CNTN4: variants seen among roughly 807,000 people sequenced by gnomAD.
The protein encoded by CNTN4 is contactin 4.
In CNTN4, 77 loss-of-function variants were observed where a neutral mutation model predicts 122.5. The observed-to-expected ratio is 0.63, with a 90% CI of 0.52 to 0.76. CNTN4 has a LOEUF of 0.76. Among genes scored for constraint, CNTN4 ranks in the 30% least tolerant of loss-of-function variants. The pLI is 0.00. For missense variants in CNTN4, 1,256 were observed against 1,259.1 expected, an observed-to-expected ratio of 1.00 and a Z score of 0.04; for synonymous variants, 512 against 447.0, an observed-to-expected ratio of 1.15 and a Z score of -1.83.
At chr3:2,464,761 G>A (rs2075438315) in intron 3 of CNTN4, among the ~76,000 whole-genome samples, 1 of 152,228 alleles carries the variant, frequency 6.6e-6, no homozygotes, top group Admixed American at 6.5e-5. Context: ...AGGAAAATGA[G>A]GTATCCTAAA....
chr3:2,951,541 TCTAGAC>T (rs2094745078), intron 13 of CNTN4, among the ~76,000 whole-genome samples: 1 of 152,192 alleles, frequency 6.6e-6, no homozygotes, highest in African/African-American at 2.4e-5. Flanking sequence ...GGACCCCTGT[TCTAGAC>T]TACTGTGTAA....
intron 3 of CNTN4, among the ~76,000 whole-genome samples, chr3:2,455,341 A>G (rs2048961110): frequency 6.6e-6 from 1 of 152,170 alleles, no homozygotes; most frequent in African/African-American, 2.4e-5. Flanking sequence ...AACTGTTACC[A>G]CCACTTTGGG....
At chr3:2,626,505 A>AC (rs2082195939) in intron 4 of CNTN4, among the ~76,000 whole-genome samples, 1 of 151,128 alleles carries the variant, frequency 6.6e-6, no homozygotes, top group Non-Finnish European at 1.5e-5. Context: ...TCAAAAAAAA[A>AC]ACAACAAAAA....
intron 11 of CNTN4, 48 bp from the exon 12 acceptor site, chr3:2,902,828 C>T: frequency 1.3e-6 from 2 of 1,592,218 alleles, no homozygotes; most frequent in Non-Finnish European, 1.7e-6. Context: ...GCCTTAAAGT[C>T]TCAGTTGTAG....
At chr3:2,772,850 T>G (rs944882997) in intron 6 of CNTN4, among the ~76,000 whole-genome samples, 1 of 152,006 alleles carries the variant, frequency 6.6e-6, no homozygotes, top group Non-Finnish European at 1.5e-5. Context: ...TGAAAACTAG[T>G]GTTTGAAGGG....
At chr3:2,716,135 C>A (rs954176648) in intron 4 of CNTN4, among the ~76,000 whole-genome samples, 3 of 151,950 alleles carry the variant, frequency 2.0e-5, no homozygotes, top group Non-Finnish European at 4.4e-5. Flanking sequence ...TGGCTACTTT[C>A]TTCACTTTTT....
At chr3:2,755,534 A>G (rs1349981208) in intron 6 of CNTN4, among the ~76,000 whole-genome samples, 1 of 152,220 alleles carries the variant, frequency 6.6e-6, no homozygotes, top group East Asian at 1.9e-4. Context: ...ATAGTACTAG[A>G]CAGAAAGACA....
At chr3:2,895,851 GGT>G (rs1559632597) in intron 10 of CNTN4, among the ~76,000 whole-genome samples, 4 of 152,102 alleles carry the variant, frequency 2.6e-5, no homozygotes, top group South Asian at 2.1e-4. Context: ...TGGCTAACAG[GGT>G]GAAACCCCGT....
intron 4 of CNTN4, among the ~76,000 whole-genome samples, chr3:2,605,445 A>G (rs180974815): frequency 1.3e-5 from 2 of 152,108 alleles, no homozygotes; most frequent in African/African-American, 4.8e-5. Context: ...TTTTTTCTGG[A>G]TGAGCTGGGA....
At chr3:2,341,022 C>T (rs2044191605) in intron 3 of CNTN4, among the ~76,000 whole-genome samples, 1 of 152,026 alleles carries the variant, frequency 6.6e-6, no homozygotes, top group South Asian at 2.1e-4. Flanking sequence ...CAGCAGGAAC[C>T]ATCTTTCTTA....
intron 2 of CNTN4, among the ~76,000 whole-genome samples, chr3:2,121,685 C>G (rs1016478567): frequency 6.6e-6 from 1 of 152,064 alleles, no homozygotes; most frequent in African/African-American, 2.4e-5. Context: ...AGTGTACAAC[C>G]TTCACTCTGC....
chr3:2,826,828 A>G (rs1479835797), intron 7 of CNTN4, among the ~76,000 whole-genome samples: 1 of 152,164 alleles, frequency 6.6e-6, no homozygotes, highest in African/African-American at 2.4e-5. Context: ...AACTCTGCCT[A>G]ACTCCACATT....
intron 15 of CNTN4, 124 bp from the exon 16 acceptor site, chr3:3,030,731 T>A (rs1699091910): frequency 1.7e-6 from 2 of 1,156,666 alleles, no homozygotes; most frequent in Non-Finnish European, 2.6e-6. Flanking sequence ...GGCCATGGTT[T>A]GCATCACTAA....
chr3:2,409,718 A>T (rs2047165459), intron 3 of CNTN4, among the ~76,000 whole-genome samples: 1 of 152,102 alleles, frequency 6.6e-6, no homozygotes, highest in Admixed American at 6.6e-5. Flanking sequence ...TTTAGACTGT[A>T]CTTGAATATA....
intron 12 of CNTN4, among the ~76,000 whole-genome samples, chr3:2,907,991 T>C (rs1342775112): frequency 6.6e-6 from 1 of 152,150 alleles, no homozygotes; most frequent in Non-Finnish European, 1.5e-5. Flanking sequence ...TGGCAGTTTA[T>C]TTTTTTCCCA....
At chr3:2,984,415 G>A (rs189604497) in intron 13 of CNTN4, among the ~76,000 whole-genome samples, 21 of 152,298 alleles carry the variant, frequency 1.4e-4, no homozygotes, top group South Asian at 4.2e-4. Flanking sequence ...TTGTCATGAC[G>A]TGGGGAAGGG....
chr3:2,750,179 T>G lies in CNTN4; in HGVS notation c.358+4482T>G, dbSNP rs561142791. On this transcript the variant is annotated intron_variant, in intron 6 of 24. Coordinates refer to ENST00000418658, the MANE Select transcript of CNTN4 (RefSeq NM_175607.3). ...GAGCCAAGGAAAGGCAGTCTTCAGC[T>G]CCCAGTTTCATGCATGCTGGCCCTA... Among the ~76,000 whole-genome samples, 8 of 152,284 alleles carry G rather than the reference T, an allele frequency of 5.3e-5. No individual in the cohort carries two copies. The East Asian group carries it at 1.5e-3, about 29-fold the overall frequency.
At chr3:2,961,522 C>A (rs1161459759) in intron 13 of CNTN4, among the ~76,000 whole-genome samples, 1 of 151,990 alleles carries the variant, frequency 6.6e-6, no homozygotes, top group Non-Finnish European at 1.5e-5. Context: ...CAAATGACAA[C>A]CCTTGAGAGC....
At chr3:2,627,606 G>C (rs1195059366) in intron 4 of CNTN4, among the ~76,000 whole-genome samples, 2 of 148,376 alleles carry the variant, frequency 1.3e-5, no homozygotes, top group East Asian at 4.0e-4. Context: ...CCATTCTCCT[G>C]CTTCAGCCTC....
Sources: allele counts gnomAD v4.1 joint callset (sites outside exome capture counted in the v4.1 genomes callset), GRCh38; gene constraint gnomAD v4.1.1; transcripts MANE v1.5; gene names NCBI Gene and HGNC (gene_info 2026-07-23, HGNC 2026-07-21).